Variants in NCK1 observed in about 807,000 individuals in gnomAD.
NCK1 encodes NCK adaptor protein 1, also known as SH2/SH3 adapter protein NCK1.
In NCK1, 19 loss-of-function variants were observed where a neutral mutation model predicts 36.6. The ratio of observed to expected loss-of-function variants is 0.52; its 90% CI spans 0.36 to 0.76. The LOEUF is 0.76. Among genes scored for constraint, NCK1 ranks in the 30% least tolerant of loss-of-function variants. The pLI is 0.00. For missense variants in NCK1, 358 were observed against 445.6 expected (o/e 0.80, Z 1.77); for synonymous variants, 165 against 156.0 (o/e 1.06, Z -0.43).
chr3:136,895,472 C>T (rs1408187997), intron 1 of NCK1, among the ~76,000 whole-genome samples: 2 of 151,928 alleles, frequency 1.3e-5, no homozygotes, highest in Non-Finnish European at 2.9e-5. Flanking sequence ...AAAGGTTTGT[C>T]AGAATTTATT....
intron 1 of NCK1, among the ~76,000 whole-genome samples, chr3:136,923,832 A>G (rs1449833805): frequency 6.6e-6 from 1 of 152,220 alleles, no homozygotes; most frequent in Non-Finnish European, 1.5e-5. Flanking sequence ...ATTACATTTT[A>G]AAAAGGGAAA....
At chr3:136,939,562 T>C (rs1482666948) in intron 2 of NCK1, among the ~76,000 whole-genome samples, 1 of 152,128 alleles carries the variant, frequency 6.6e-6, no homozygotes, top group Non-Finnish European at 1.5e-5. Flanking sequence ...GAGATCTTTC[T>C]TCTTTTTTAT....
intron 1 of NCK1, among the ~76,000 whole-genome samples, chr3:136,925,271 A>G (rs538995202): frequency 3.3e-5 from 5 of 152,166 alleles, no homozygotes; most frequent in African/African-American, 4.8e-5. Context: ...AATTATAAAG[A>G]TATTCAGGAT....
chr3:136,936,981 A>G (rs1940547280), intron 2 of NCK1, among the ~76,000 whole-genome samples: 1 of 152,242 alleles, frequency 6.6e-6, no homozygotes, highest in Non-Finnish European at 1.5e-5. Context: ...TTAATGAAGT[A>G]TAATGGATCT....
At position 136,919,899 on chromosome 3, in the gene NCK1, C is replaced by T. The variant is rs557560888; in HGVS notation, c.-18-8085C>T. On this transcript the variant is annotated intron_variant, in intron 1 of 3. Transcript: ENST00000481752. Reference sequence around the variant, plus strand: ...TTTTAGATTCTGTTGTACTTTAACACATAACTTGACAATTTCCTGCTTCTG... The same window carrying T: ...TTTTAGATTCTGTTGTACTTTAACATATAACTTGACAATTTCCTGCTTCTG... Among the ~76,000 whole-genome samples, 24 of 152,254 alleles carry T rather than the reference C, an allele frequency of 1.6e-4. No individual in the cohort carries two copies. In the South Asian group the frequency reaches 1.7e-3, roughly 11 times the overall value.
At chr3:136,924,872 C>A (rs972348064) in intron 1 of NCK1, among the ~76,000 whole-genome samples, 2 of 152,082 alleles carry the variant, frequency 1.3e-5, no homozygotes, top group Non-Finnish European at 2.9e-5. Flanking sequence ...TTGCAACCTC[C>A]GGCATATATG....
intron 1 of NCK1, among the ~76,000 whole-genome samples, chr3:136,925,948 T>C (rs1940225991): frequency 6.6e-6 from 1 of 152,200 alleles, no homozygotes; most frequent in African/African-American, 2.4e-5. Flanking sequence ...TACATTCTCA[T>C]CAGCAGTATA....
intron 1 of NCK1, among the ~76,000 whole-genome samples, chr3:136,902,627 G>A (rs114273910): frequency 0.015 from 2,228 of 152,248 alleles, 35 homozygotes; most frequent in Non-Finnish European, 0.023. Context: ...TCTATATGCT[G>A]ATGAAAAGAA....
At position 136,946,068 on chromosome 3, in the gene NCK1, A is replaced by G. The variant is rs371880420; in HGVS notation, c.712A>G (p.Met238Val). 32 of 1,613,912 alleles carry G rather than the reference A, an allele frequency of 2.0e-5. No individual in the cohort carries two copies. The highest frequency in any genetic ancestry group is 2.6e-5 in the Non-Finnish European group (31 of 1,179,998). ...GTGGAAATGCAGGAAGATCAATGGT[A>G]TGGTTGGTCTAGTACCAAAAAACTA... The part of the protein sequence containing the change: ...EWWKCRKING[M>V]VGLVPKNYVT... The change falls in exon 3 of 4, where the codon ATG becomes GTG. Residue 238 changes from methionine to valine, a missense_variant. Coordinates refer to ENST00000481752, the MANE Select transcript of NCK1 (RefSeq NM_001291999.2).
chr3:136,890,354 G>A (rs920928725), intron 1 of NCK1, among the ~76,000 whole-genome samples: 4 of 152,068 alleles, frequency 2.6e-5, no homozygotes, highest in African/African-American at 7.2e-5. Context: ...AGCGTTGCAC[G>A]CAGCCCCAGT....
At chr3:136,912,411 C>T (rs964365527) in intron 1 of NCK1, among the ~76,000 whole-genome samples, 1 of 151,770 alleles carries the variant, frequency 6.6e-6, no homozygotes, top group African/African-American at 2.4e-5. Flanking sequence ...ATCTCTTTGC[C>T]CCTCTACTTT....
chr3:136,881,560 A>G (rs982366212), intron 1 of NCK1, among the ~76,000 whole-genome samples: 9 of 152,276 alleles, frequency 5.9e-5, no homozygotes, highest in Admixed American at 2.0e-4. Context: ...AAAGTTGAAC[A>G]TCTTAACCAT....
intron 1 of NCK1, among the ~76,000 whole-genome samples, chr3:136,881,088 CT>C (rs533882754): frequency 1.4e-4 from 22 of 152,206 alleles, no homozygotes; most frequent in Non-Finnish European, 2.8e-4. Flanking sequence ...AACTCACATA[CT>C]TCCAGTCCAT....
chr3:136,922,961 A>G (rs1940148557), intron 1 of NCK1, among the ~76,000 whole-genome samples: 2 of 152,228 alleles, frequency 1.3e-5, no homozygotes, highest in Non-Finnish European at 2.9e-5. Context: ...TGCTACTTAC[A>G]TAATGATGAC....
intron 1 of NCK1, among the ~76,000 whole-genome samples, chr3:136,906,684 C>G (rs1472389990): frequency 6.6e-6 from 1 of 152,100 alleles, no homozygotes; most frequent in Non-Finnish European, 1.5e-5. Context: ...GTGGGATAAC[C>G]TTTAGGACCC....
At position 136,950,161 on chromosome 3, in the gene NCK1, CTAG is replaced by C. The variant is rs1940935266; in HGVS notation, c.*1714_*1716del. Among the ~76,000 whole-genome samples the C allele has an allele frequency of 6.6e-6, 1 of 152,036 alleles. No homozygotes were observed. Among genetic ancestry groups the C allele is most frequent in the Non-Finnish European group, 1.5e-5 (1 of 67,958 alleles). ...AAAACTTTAAATTGTTGTAGGATGA[CTAG>C]TAGTAAACATCATCTTAATTTTTAA... On this transcript the variant is annotated 3_prime_UTR_variant, in exon 4 of 4. Transcript: ENST00000481752.
rs1192619849 is a variant in NCK1 at position 136,949,835 on chromosome 3, T to C, written c.*1382T>C. The C allele has an allele frequency of 1.3e-5, 1 of 79,984 alleles. No individual in the cohort carries two copies. The highest frequency in any genetic ancestry group is 2.8e-5 in the Non-Finnish European group (1 of 35,404). 5.0% of individuals were successfully genotyped at this position (79,984 alleles called of 1,614,324 possible). A position where few individuals can be genotyped will look rare whatever the true frequency, so the allele number is the denominator to read the frequency against. On this transcript the variant is annotated 3_prime_UTR_variant, in exon 4 of 4. Coordinates refer to ENST00000481752, the MANE Select transcript of NCK1 (RefSeq NM_001291999.2). ...ATGGTAAAATTGAAGTTGTGTAACT[T>C]GTGAATTTTTTTTATCAATGTTTTA... is the stretch of plus-strand genomic sequence containing the variant.
chr3:136,930,678 C>CT, intron 2 of NCK1: 1 of 1,179,510 alleles, frequency 8.5e-7, no homozygotes, highest in East Asian at 3.0e-5. Flanking sequence ...AAGGAAAACT[C>CT]TTATTTGGTG....
chr3:136,945,856 C>CT lies in NCK1; in HGVS notation c.503dup (p.Leu168PhefsTer3). 6.2e-7 allele frequency: 1 copy of CT among 1,614,084 alleles called. No individual in the cohort carries two copies. ...TATGTAACTGAAGAAGGTGACAGTC[C>CT]TTTGGGTGACCATGTGGGTTCTCTG... is the stretch of plus-strand genomic sequence containing the variant. On this transcript the variant is annotated frameshift_variant, in exon 3 of 4. Coordinates refer to ENST00000481752, the MANE Select transcript of NCK1 (RefSeq NM_001291999.2). LOFTEE classifies it high-confidence loss of function.
Sources: gnomAD v4.1 joint callset for allele counts (sites outside exome capture counted in the v4.1 genomes callset) on GRCh38, gnomAD v4.1.1 for gene constraint, MANE v1.5 for transcripts, NCBI Gene and HGNC (gene_info 2026-07-23, HGNC 2026-07-21) for gene names.